ABCC9: variants seen among roughly 807,000 people sequenced by gnomAD.
The protein encoded by ABCC9 is ATP-binding cassette sub-family C member 9.
Under a neutral mutation model 188.3 loss-of-function variants are expected in ABCC9, and 95 were observed. That is an observed-to-expected ratio of 0.50 (90% confidence interval 0.43 to 0.60). The LOEUF is 0.60. Among genes scored for constraint, ABCC9 ranks in the 20% least tolerant of loss-of-function variants. The pLI, the probability that ABCC9 is intolerant of heterozygous loss-of-function variation, is 0.00. For synonymous variants in ABCC9, 659 were observed against 652.7 expected, an observed-to-expected ratio of 1.01 and a Z score of -0.15; for missense variants, 1,102 against 1,876.3, an observed-to-expected ratio of 0.59 and a Z score of 7.62.
intron 7 of ABCC9, among the ~76,000 whole-genome samples, 154 bp downstream of exon 7, chr12:21,915,514 A>ATATATATATATATT: frequency 5.7e-4 from 2 of 3,522 alleles, no homozygotes; most frequent in African/African-American, 1.1e-3. Context: ...ATATATATAT[A>ATATATATATATATT]TTTTTTTTTT....
At chr12:21,908,256 G>C (rs533542636) in intron 10 of ABCC9, 45 bp from the exon 11 acceptor site, 2 of 1,603,904 alleles carry the variant, frequency 1.2e-6, no homozygotes, top group Admixed American at 1.7e-5. Flanking sequence ...ATGGGTTGTG[G>C]GAGCCATTGC....
chr12:21,843,987 CTT>C (rs746889545), intron 28 of ABCC9, among the ~76,000 whole-genome samples: 17 of 152,158 alleles, frequency 1.1e-4, no homozygotes, highest in Admixed American at 2.6e-4. Flanking sequence ...TTCAAACAAA[CTT>C]TTAGATTCCT....
Position 21,906,293 on chromosome 12 carries a change from A to G in ABCC9, c.1456-5T>C. 6.2e-7 allele frequency: 1 copy of G among 1,604,106 alleles called. No homozygotes were observed. Among genetic ancestry groups the G allele is most frequent in the East Asian group, 2.2e-5 (1 of 44,646 alleles). On this transcript the variant is annotated splice_polypyrimidine_tract_variant and splice_region_variant and intron_variant, in intron 11 of 39. Transcript: ENST00000261200. ...GAGTCTCTCAGTGGAATAATCCTAT[A>G]AAACAAAGGAAGAAAAATAATACCA... is the stretch of plus-strand genomic sequence containing the variant.
chr12:21,887,600 C>A (rs370329133), intron 15 of ABCC9, among the ~76,000 whole-genome samples: 1 of 152,216 alleles, frequency 6.6e-6, no homozygotes, highest in East Asian at 1.9e-4. Context: ...GAATTAAACA[C>A]GTCTTGTCTC....
rs780072385 is a variant in ABCC9 at position 21,906,135 on chromosome 12, A to T, written c.1609T>A (p.Ser537Thr). 8 of 1,612,852 alleles carry T rather than the reference A, an allele frequency of 5.0e-6. No individual in the cohort carries two copies. Among genetic ancestry groups the T allele is most frequent in the South Asian group, 1.1e-5 (1 of 91,058 alleles). ...AGCAACAGCAACTTACTGGAGAGTG[A>T]TGTATATAGTGCAAAGGTTTTGAGA... is the stretch of plus-strand genomic sequence containing the variant. ...SSLKTFALYT[S>T]LSIFMNAAIP... is the part of the protein sequence containing the mutation. Residue 537 changes from serine to threonine, a missense_variant, in exon 12 of 40, where the codon TCA becomes ACA. Ser to Thr is a moderately conservative substitution (Grantham distance 58). Coordinates refer to ENST00000261200, the MANE Select transcript of ABCC9 (RefSeq NM_020297.4).
intron 5 of ABCC9, among the ~76,000 whole-genome samples, chr12:21,917,415 AG>A (rs1948645698): frequency 6.6e-6 from 1 of 152,194 alleles, no homozygotes; most frequent in Admixed American, 6.6e-5. Flanking sequence ...AATTTTAAAA[AG>A]TAGCTTTATC....
intron 36 of ABCC9, among the ~76,000 whole-genome samples, chr12:21,811,315 T>G (rs535515225): frequency 6.6e-6 from 1 of 152,330 alleles, no homozygotes; most frequent in East Asian, 1.9e-4. Context: ...TTTTATAAAT[T>G]ACCTAGTCTC....
At chr12:21,913,222 A>G (rs1475435095) in intron 7 of ABCC9, among the ~76,000 whole-genome samples, 156 bp from the exon 8 acceptor site, 5 of 152,198 alleles carry the variant, frequency 3.3e-5, no homozygotes, top group African/African-American at 1.2e-4. Flanking sequence ...CATAGCATGC[A>G]TAATTCTGTA....
intron 30 of ABCC9, among the ~76,000 whole-genome samples, chr12:21,829,493 A>G (rs149094040): frequency 0.036 from 5,461 of 152,130 alleles, 118 homozygotes; most frequent in East Asian, 0.075. Flanking sequence ...GTGCCACCGC[A>G]CCCGGCCCAG....
chr12:21,820,544 A>G (rs981364472), intron 31 of ABCC9, among the ~76,000 whole-genome samples: 1 of 151,914 alleles, frequency 6.6e-6, no homozygotes, highest in African/African-American at 2.4e-5. Context: ...GCTCTCATCT[A>G]TATATATAGC....
chr12:21,841,347 CTTTTTTTTTT>C (rs1174314931), intron 29 of ABCC9, among the ~76,000 whole-genome samples: 19 of 19,596 alleles, frequency 9.7e-4, no homozygotes, highest in South Asian at 4.5e-3. Flanking sequence ...TTCTGGTTTC[CTTTTTTTTTT>C]TTTTTTTTTT....
intron 22 of ABCC9, 30 bp downstream of exon 22, chr12:21,859,556 T>C (rs761186534): frequency 6.9e-6 from 11 of 1,601,780 alleles, no homozygotes; most frequent in South Asian, 1.1e-5. Flanking sequence ...AAGAATGAAA[T>C]AGAAATAAAA....
At chr12:21,802,688 C>A (rs943285737) in intron 39 of ABCC9, among the ~76,000 whole-genome samples, 1 of 152,078 alleles carries the variant, frequency 6.6e-6, no homozygotes, top group Non-Finnish European at 1.5e-5. Flanking sequence ...CTATGCAGGT[C>A]AAAATATTAG....
intron 10 of ABCC9, 107 bp downstream of exon 10, chr12:21,910,050 T>G (rs1948244746): frequency 9.3e-7 from 1 of 1,079,638 alleles, no homozygotes; most frequent in Non-Finnish European, 1.4e-6. Flanking sequence ...GAGTGTAATA[T>G]TTGCACATTC....
At chr12:21,829,478 G>C (rs1592007325) in intron 30 of ABCC9, among the ~76,000 whole-genome samples, 1 of 152,122 alleles carries the variant, frequency 6.6e-6, no homozygotes, top group Non-Finnish European at 1.5e-5. Flanking sequence ...TGGGATTACA[G>C]GCGTGTGCCA....
chr12:21,864,439 C>T lies in ABCC9; in HGVS notation c.2237G>A (p.Ser746Asn), dbSNP rs745375583. 1 of 1,582,568 alleles carries T rather than the reference C, an allele frequency of 6.3e-7. No homozygotes were observed. Among genetic ancestry groups the T allele is most frequent in the South Asian group, 1.1e-5 (1 of 90,446 alleles). The stretch of plus-strand genomic sequence containing the variant: ...ACTCAGGTTAAAATAGAAATAATAC[C>T]TTCTGGTTGCTTCAAAAGAAGGCTC... Reference protein sequence around the residue: ...ESEPSFEATRSRNRYSVAYAA... With the variant: ...ESEPSFEATRNRNRYSVAYAA... Residue 746 changes from serine to asparagine, a missense_variant and splice_region_variant, in exon 19 of 40, where the codon AGT (serine) becomes AAT (asparagine). Physicochemically the swap from Ser to Asn is conservative, Grantham distance 46 (BLOSUM62 1). Around this residue, in one of 12 missense-constraint regions of ABCC9, gnomAD observed 258 missense variants for 325.6 expected, o/e 0.79. Transcript: ENST00000261200.
chr12:21,931,933 A>T (rs951626605), intron 4 of ABCC9, among the ~76,000 whole-genome samples: 6 of 152,164 alleles, frequency 3.9e-5, no homozygotes, highest in Admixed American at 3.3e-4. Context: ...AAAAGCCCTC[A>T]TAAAACATTA....
At chr12:21,830,681 AAGAT>A (rs774122736) in intron 30 of ABCC9, among the ~76,000 whole-genome samples, 1 of 152,228 alleles carries the variant, frequency 6.6e-6, no homozygotes, top group African/African-American at 2.4e-5. Context: ...TATGTCAAAA[AAGAT>A]AGATAATTCA....
chr12:21,808,630 C>T (rs927940277), intron 37 of ABCC9, among the ~76,000 whole-genome samples: 3 of 151,818 alleles, frequency 2.0e-5, no homozygotes, highest in Non-Finnish European at 4.4e-5. Flanking sequence ...GGGAGCTAGG[C>T]ATAGTGGGGC....
Sources: allele counts gnomAD v4.1 joint callset (sites outside exome capture counted in the v4.1 genomes callset), GRCh38; gene constraint gnomAD v4.1.1; regional missense constraint gnomAD v4.1.1; transcripts MANE v1.5; gene names NCBI Gene and HGNC (gene_info 2026-07-23, HGNC 2026-07-21).